The following TCF7L2 variants were observed in gnomAD, a reference collection of about 807,000 sequenced individuals.
TCF7L2 encodes the protein transcription factor 7-like 2.
Under a neutral mutation model 77.9 loss-of-function variants are expected in TCF7L2, and 23 were observed. The ratio of observed to expected loss-of-function variants is 0.30; its 90% CI spans 0.21 to 0.42. The LOEUF is 0.42. Among genes scored for constraint, TCF7L2 ranks in the 10% least tolerant of loss-of-function variants. TCF7L2 has a pLI of 1.00. For missense variants in TCF7L2, 654 were observed against 793.1 expected (o/e 0.82, Z 2.11); for synonymous variants, 413 against 340.2 (o/e 1.21, Z -2.36).
intron 5 of TCF7L2, among the ~76,000 whole-genome samples, chr10:113,089,752 G>T (rs2060178875): frequency 1.3e-5 from 2 of 152,168 alleles, no homozygotes; most frequent in African/African-American, 2.4e-5. Context: ...CAAGGAGAGG[G>T]TGGAGGGTGG....
Position 113,014,167 on chromosome 10 carries a change from C to T in TCF7L2, c.451-25858C>T, listed in dbSNP as rs12244851. On this transcript the variant is annotated intron_variant, in intron 4 of 13. Transcript: ENST00000627217. Reference sequence around the variant, plus strand: ...GTTAGACAGGGAATGGGTTAGTTCCCAGGTCGGCATTCAGCTGAAACAGTG... The same window carrying T: ...GTTAGACAGGGAATGGGTTAGTTCCTAGGTCGGCATTCAGCTGAAACAGTG... Among the ~76,000 whole-genome samples, 47,912 of 151,986 alleles carry T rather than the reference C, an allele frequency of 0.32. 7,968 individuals carry two copies. Among genetic ancestry groups the T allele is most frequent in the Middle Eastern group, 0.39 (114 of 294 alleles).
intron 7 of TCF7L2, among the ~76,000 whole-genome samples, chr10:113,144,836 G>A (rs916619875): frequency 6.6e-6 from 1 of 152,178 alleles, no homozygotes; most frequent in African/African-American, 2.4e-5. Context: ...TGATGCATTA[G>A]CATACTGTGG....
intron 5 of TCF7L2, among the ~76,000 whole-genome samples, chr10:113,123,700 T>C (rs1212018866): frequency 6.6e-6 from 1 of 152,194 alleles, no homozygotes; most frequent in Non-Finnish European, 1.5e-5. Flanking sequence ...TAGGCAATAA[T>C]AATTTGACAC....
At chr10:113,077,467 T>C (rs140039152) in intron 5 of TCF7L2, among the ~76,000 whole-genome samples, 1 of 152,242 alleles carries the variant, frequency 6.6e-6, no homozygotes, top group East Asian at 1.9e-4. Context: ...AAAGAAACTG[T>C]ACCCATTAGC....
In TCF7L2 at chr10:113,160,620, T is replaced by C; in HGVS notation, c.1320T>C (p.Asp440=). The change falls in exon 13 of 14, where the codon GAT becomes GAC. Residue 440 remains aspartate (D), a splice_region_variant and synonymous_variant. Coordinates refer to ENST00000627217, the MANE Select transcript of TCF7L2 (RefSeq NM_001146274.2). The stretch of plus-strand genomic sequence containing the variant: ...TTTGTGTTTACCTTATGCTAACAGA[T>C]GCAAATACTCCAAAGAAGTGTCGGG... The C allele has an allele frequency of 6.3e-7, 1 of 1,591,314 alleles. No homozygotes were observed. The highest frequency in any genetic ancestry group is 8.6e-7 in the Non-Finnish European group (1 of 1,168,122).
chr10:112,966,780 T>C (rs1004734680), intron 4 of TCF7L2, among the ~76,000 whole-genome samples: 1 of 152,214 alleles, frequency 6.6e-6, no homozygotes, highest in Non-Finnish European at 1.5e-5. Context: ...TGTGAAGCTC[T>C]TTCTCAGGAG....
intron 4 of TCF7L2, among the ~76,000 whole-genome samples, chr10:113,035,837 A>G (rs553682717): frequency 6.6e-6 from 1 of 152,330 alleles, no homozygotes; most frequent in African/African-American, 2.4e-5. Flanking sequence ...ACATATACTG[A>G]CTGCCTGTGG....
chr10:113,113,463 T>C (rs116361051), intron 5 of TCF7L2, among the ~76,000 whole-genome samples: 5,252 of 152,262 alleles, frequency 0.034, 292 homozygotes, highest in African/African-American at 0.12. Context: ...TAGGATGAGC[T>C]GCCTGGGCTG....
intron 2 of TCF7L2, 30 bp from the exon 3 acceptor site, chr10:112,951,453 C>T (rs1201532511): frequency 2.9e-6 from 4 of 1,394,036 alleles, no homozygotes; most frequent in Non-Finnish European, 3.8e-6. Flanking sequence ...GCGCGGCCGC[C>T]GCTGTCCCCT....
At chr10:113,115,226 T>A (rs2063572757) in intron 5 of TCF7L2, among the ~76,000 whole-genome samples, 1 of 152,240 alleles carries the variant, frequency 6.6e-6, no homozygotes, top group Non-Finnish European at 1.5e-5. Flanking sequence ...TAAATAGTTT[T>A]TAATTGGCTT....
At chr10:113,090,166 TAATAGTCCTGAAGAAAA>T (rs2060228009) in intron 5 of TCF7L2, among the ~76,000 whole-genome samples, 1 of 152,134 alleles carries the variant, frequency 6.6e-6, no homozygotes, top group Non-Finnish European at 1.5e-5. Flanking sequence ...CTCTTCAAAT[TAATAGTCCTGAAGAAAA>T]AATAACACCT....
chr10:113,161,647 C>A (rs1242326898), intron 13 of TCF7L2: 3 of 1,532,952 alleles, frequency 2.0e-6, no homozygotes, highest in Non-Finnish European at 1.7e-6. Context: ...GTTTGTAGTG[C>A]CTCCCTCGTC....
chr10:113,064,090 GT>G (rs1423881106), intron 5 of TCF7L2, among the ~76,000 whole-genome samples: 2 of 152,200 alleles, frequency 1.3e-5, no homozygotes, highest in African/African-American at 4.8e-5. Flanking sequence ...GTCAGGTGGA[GT>G]CCCTGCCATT....
At chr10:113,087,571 A>G (rs553864790) in intron 5 of TCF7L2, among the ~76,000 whole-genome samples, 11 of 152,348 alleles carry the variant, frequency 7.2e-5, no homozygotes, top group African/African-American at 2.6e-4. Flanking sequence ...GCTCCTGTTT[A>G]CAAATCAGCT....
intron 8 of TCF7L2, among the ~76,000 whole-genome samples, chr10:113,150,486 T>G (rs1474052432): frequency 6.6e-6 from 1 of 152,166 alleles, no homozygotes; most frequent in Non-Finnish European, 1.5e-5. Flanking sequence ...AAATAAAAAT[T>G]GTATTGCACT....
rs542940368 is a variant in TCF7L2, at chr10:113,070,538, A to G, written c.552+30412A>G. 4.4e-3 allele frequency among the ~76,000 whole-genome samples: 662 copies of G among 152,154 alleles called. 6 individuals are homozygous for G. Among genetic ancestry groups the G allele is most frequent in the Non-Finnish European group, 5.7e-3 (390 of 67,996 alleles). On this transcript the variant is annotated intron_variant, in intron 5 of 13. Transcript: ENST00000627217. ...AAAGGAGAGCCCTGCGGGAATCATC[A>G]TGTGCCAGGCACTGTGCTAGGCTCT...
At chr10:113,125,833 G>C (rs1170082032) in intron 5 of TCF7L2, 2 of 152,216 alleles carry the variant, frequency 1.3e-5, no homozygotes, top group Non-Finnish European at 2.9e-5. Flanking sequence ...TTGGAAGGCA[G>C]GGCTGCGGAA....
chr10:113,159,981 C>T (rs2072855944), intron 12 of TCF7L2: 2 of 1,613,814 alleles, frequency 1.2e-6, no homozygotes, highest in Non-Finnish European at 8.5e-7. Flanking sequence ...ATAACTGGTG[C>T]GGCCCTTGCA....
chr10:113,110,068 C>T (rs1012155726), intron 5 of TCF7L2, among the ~76,000 whole-genome samples: 3 of 152,166 alleles, frequency 2.0e-5, no homozygotes, highest in Non-Finnish European at 2.9e-5. Context: ...ATGTTAAACA[C>T]GTCAGTTATA....
Sources: allele counts gnomAD v4.1 joint callset (sites outside exome capture counted in the v4.1 genomes callset), GRCh38; gene constraint gnomAD v4.1.1; transcripts MANE v1.5; gene names NCBI Gene and HGNC (gene_info 2026-07-23, HGNC 2026-07-21).